The following ZFHX3 variants were observed in gnomAD, a reference collection of about 807,000 sequenced individuals.
ZFHX3 encodes the protein zinc finger homeobox protein 3.
Under a neutral mutation model 279.1 loss-of-function variants are expected in ZFHX3, and 42 were observed. That is an observed-to-expected ratio of 0.15 (90% CI 0.12 to 0.19). The LOEUF (loss-of-function observed/expected upper bound fraction) is 0.19, where lower values mean the gene tolerates loss of function less well. Ranked by LOEUF, ZFHX3 falls within the 10% of genes least tolerant of loss-of-function variation. The pLI is 1.00. For missense variants in ZFHX3, 4,981 were observed against 4,754.0 expected, an observed-to-expected ratio of 1.05 and a Z score of -1.40; for synonymous variants, 2,293 against 1,957.8, an observed-to-expected ratio of 1.17 and a Z score of -4.52.
rs1239245923 is a variant in ZFHX3, at chr16:73,058,723, C to T, written c.-217G>A. 86 of 159,016 alleles carry T rather than the reference C, an allele frequency of 5.4e-4. 2 individuals are homozygous for T. The South Asian group carries it at 0.018, about 33-fold the overall frequency. 9.9% of individuals were successfully genotyped at this position (159,016 alleles called of 1,614,324 possible). The stretch of plus-strand genomic sequence containing the variant: ...GCGGCGGCGGCGGCGGCGGCGGCGG[C>T]GGCGGAGCTGGAGCGCGCTCGGCGG... On this transcript the variant is annotated 5_prime_UTR_variant, in exon 1 of 9. Coordinates refer to the ZFHX3 transcript ENST00000397992.
intron 5 of ZFHX3, among the ~76,000 whole-genome samples, chr16:73,169,602 T>C (rs11646745): frequency 2.0e-5 from 3 of 150,952 alleles, no homozygotes; most frequent in African/African-American, 7.3e-5. Context: ...GAGGTTGCAG[T>C]GAGCCAAGAT....
intron 1 of ZFHX3, among the ~76,000 whole-genome samples, chr16:73,734,255 G>T (rs1277036681): frequency 6.6e-6 from 1 of 152,164 alleles, no homozygotes; most frequent in Non-Finnish European, 1.5e-5. Flanking sequence ...ATGGCCCAGG[G>T]TTAGGGGATG....
At chr16:73,583,916 TAAAA>T (rs2051888643) in intron 2 of ZFHX3, among the ~76,000 whole-genome samples, 1 of 151,598 alleles carries the variant, frequency 6.6e-6, no homozygotes, top group Non-Finnish European at 1.5e-5. Flanking sequence ...TAAGAAATAA[TAAAA>T]AGAATAGGAA....
At chr16:73,331,245 A>C (rs745904726) in intron 3 of ZFHX3, among the ~76,000 whole-genome samples, 21 of 152,212 alleles carry the variant, frequency 1.4e-4, no homozygotes, top group Admixed American at 4.6e-4. Context: ...GCATGGAGGA[A>C]CCGCCCCCAT....
At chr16:72,965,564 G>A (rs1311082266) in intron 1 of ZFHX3, among the ~76,000 whole-genome samples, 2 of 152,210 alleles carry the variant, frequency 1.3e-5, no homozygotes, top group Non-Finnish European at 1.5e-5. Context: ...CATGTACTAT[G>A]TGTCAGTCAG....
chr16:73,105,499 C>T (rs1000871246), intron 7 of ZFHX3, among the ~76,000 whole-genome samples: 14 of 149,124 alleles, frequency 9.4e-5, no homozygotes, highest in African/African-American at 3.2e-4. Context: ...CACCTGTAAT[C>T]CCAGCACTTT....
At chr16:73,549,238 C>A (rs990947218) in intron 2 of ZFHX3, among the ~76,000 whole-genome samples, 4 of 151,938 alleles carry the variant, frequency 2.6e-5, no homozygotes, top group African/African-American at 9.7e-5. Context: ...AGAAATATTG[C>A]ATGGAAATCA....
At chr16:73,763,681 G>A (rs1243119075) in intron 1 of ZFHX3, among the ~76,000 whole-genome samples, 1 of 152,070 alleles carries the variant, frequency 6.6e-6, no homozygotes, top group Non-Finnish European at 1.5e-5. Flanking sequence ...CTTATTAACA[G>A]AATATAGCAA....
At chr16:73,443,625 C>T (rs1320463889) in intron 3 of ZFHX3, among the ~76,000 whole-genome samples, 2 of 152,198 alleles carry the variant, frequency 1.3e-5, no homozygotes, top group South Asian at 4.1e-4. Flanking sequence ...CTTCTCTTTC[C>T]CATTCCCTGC....
intron 4 of ZFHX3, among the ~76,000 whole-genome samples, chr16:73,304,241 A>G (rs116991842): frequency 0.01 from 1,598 of 152,250 alleles, 15 homozygotes; most frequent in Non-Finnish European, 0.016. Context: ...GATGTCATGT[A>G]AATAGGGCAG....
At chr16:73,176,510 T>C (rs1321763580) in intron 5 of ZFHX3, among the ~76,000 whole-genome samples, 12 of 152,128 alleles carry the variant, frequency 7.9e-5, no homozygotes, top group Non-Finnish European at 1.5e-5. Context: ...TCCTCATGCA[T>C]CTCTCTTTCT....
At chr16:73,303,808 C>A (rs759899169) in intron 4 of ZFHX3, among the ~76,000 whole-genome samples, 2 of 151,724 alleles carry the variant, frequency 1.3e-5, no homozygotes, top group Admixed American at 1.3e-4. Context: ...ACCAAGCCAC[C>A]AACAGGAGGC....
chr16:72,847,666 A>C (rs369637361), intron 4 of ZFHX3, among the ~76,000 whole-genome samples: 16 of 152,012 alleles, frequency 1.1e-4, no homozygotes, highest in African/African-American at 3.9e-4. Context: ...AGAGGAGTGA[A>C]TTCCTTTCCA....
chr16:73,664,815 G>C (rs1190595573), intron 2 of ZFHX3, among the ~76,000 whole-genome samples: 1 of 152,188 alleles, frequency 6.6e-6, no homozygotes, highest in African/African-American at 2.4e-5. Context: ...GATACACCCG[G>C]AGGAAAGTAA....
chr16:73,017,954 C>T (rs1964163535), intron 1 of ZFHX3, among the ~76,000 whole-genome samples: 1 of 151,596 alleles, frequency 6.6e-6, no homozygotes, highest in African/African-American at 2.4e-5. Context: ...TTGATTTTTT[C>T]GATGAAGTGG....
At chr16:73,638,534 G>T (rs1206548113) in intron 2 of ZFHX3, among the ~76,000 whole-genome samples, 2 of 152,144 alleles carry the variant, frequency 1.3e-5, no homozygotes, top group African/African-American at 4.8e-5. Context: ...TCTTTGAAGG[G>T]TTCATGTTAG....
chr16:73,472,986 T>C (rs536275841), intron 2 of ZFHX3, among the ~76,000 whole-genome samples: 2 of 146,194 alleles, frequency 1.4e-5, no homozygotes, highest in African/African-American at 5.1e-5. Context: ...GAGTGTGCTG[T>C]CTTTTTTTTT....
intron 2 of ZFHX3, among the ~76,000 whole-genome samples, chr16:73,580,503 A>ACAAT (rs1343760199): frequency 2.0e-5 from 3 of 146,500 alleles, no homozygotes; most frequent in Non-Finnish European, 4.5e-5. Flanking sequence ...AAACAAACAA[A>ACAAT]CAAACAAAAA....
At chr16:73,863,193 G>A (rs764756788) in intron 1 of ZFHX3, among the ~76,000 whole-genome samples, 27 of 152,276 alleles carry the variant, frequency 1.8e-4, no homozygotes, top group Non-Finnish European at 3.5e-4. Flanking sequence ...GCGACAGAGC[G>A]AGACTCCGTC....
Sources: gnomAD v4.1 joint callset for allele counts (sites outside exome capture counted in the v4.1 genomes callset) on GRCh38, gnomAD v4.1.1 for gene constraint, MANE v1.5 for transcripts, NCBI Gene and HGNC (gene_info 2026-07-23, HGNC 2026-07-21) for gene names.